Variants in ORC3 observed in about 807,000 individuals in gnomAD.
ORC3 encodes the protein origin recognition complex subunit 3.
ORC3 carries 78 observed loss-of-function variants against 100.7 expected under a neutral mutation model. The observed-to-expected ratio is 0.77, with a 90% CI of 0.65 to 0.94. The LOEUF (loss-of-function observed/expected upper bound fraction) is 0.94. Among genes scored for constraint, ORC3 ranks in the 40% least tolerant of loss-of-function variants. ORC3 has a pLI of 0.00. For synonymous variants in ORC3, 295 were observed against 289.3 expected (o/e 1.02, Z -0.20); for missense variants, 789 against 823.9 (o/e 0.96, Z 0.52).
chr6:87,593,775 C>T (rs1307994318), intron 1 of ORC3, among the ~76,000 whole-genome samples: 3 of 152,264 alleles, frequency 2.0e-5, no homozygotes, highest in African/African-American at 7.2e-5. Context: ...CAGCCCACTG[C>T]AGCCTCCATC....
At chr6:87,638,520 A>T (rs1377667174) in intron 13 of ORC3, among the ~76,000 whole-genome samples, 1 of 152,214 alleles carries the variant, frequency 6.6e-6, no homozygotes, top group African/African-American at 2.4e-5. Context: ...CTTATTTGAA[A>T]TTTTTTATAA....
At chr6:87,655,423 C>T (rs1769602753) in intron 14 of ORC3, among the ~76,000 whole-genome samples, 1 of 149,838 alleles carries the variant, frequency 6.7e-6, no homozygotes, top group South Asian at 2.1e-4. Flanking sequence ...GCATGATAGG[C>T]TCACTGCAGC....
intron 7 of ORC3, among the ~76,000 whole-genome samples, chr6:87,611,372 G>A (rs1778754895): frequency 6.6e-6 from 1 of 151,616 alleles, no homozygotes; most frequent in Non-Finnish European, 1.5e-5. Flanking sequence ...ACTTTTTTTT[G>A]GAGCTTAGAC....
intron 9 of ORC3, among the ~76,000 whole-genome samples, chr6:87,619,315 G>GCAAT (rs1427852030): frequency 6.6e-6 from 1 of 152,174 alleles, no homozygotes; most frequent in Non-Finnish European, 1.5e-5. Flanking sequence ...GTAAAATAAA[G>GCAAT]CAATCAGATT....
At chr6:87,673,736 G>A in the ORC3 span, among the ~76,000 whole-genome samples, 3 of 152,028 alleles carry the variant, frequency 2.0e-5, no homozygotes, top group East Asian at 5.8e-4. Flanking sequence ...AGCTACTCGG[G>A]AGGCTGAGGC....
the ORC3 span, among the ~76,000 whole-genome samples, chr6:87,672,744 A>G: frequency 2.6e-5 from 4 of 152,134 alleles, no homozygotes; most frequent in Non-Finnish European, 5.9e-5. Flanking sequence ...CATTTTCTTT[A>G]GGGTCGTGTC....
chr6:87,646,247 A>G (rs1331354866), intron 13 of ORC3, among the ~76,000 whole-genome samples: 3 of 151,960 alleles, frequency 2.0e-5, no homozygotes, highest in East Asian at 3.8e-4. Context: ...CGGCCTCCCA[A>G]AGTGCTGGGA....
At chr6:87,645,042 A>G (rs1269419426) in intron 13 of ORC3, among the ~76,000 whole-genome samples, 1 of 152,114 alleles carries the variant, frequency 6.6e-6, no homozygotes, top group Non-Finnish European at 1.5e-5. Context: ...TAGAAAAAGT[A>G]TTCTTCACTA....
At chr6:87,618,664 A>T (rs1183438091) in intron 9 of ORC3, among the ~76,000 whole-genome samples, 1 of 152,166 alleles carries the variant, frequency 6.6e-6, no homozygotes, top group Non-Finnish European at 1.5e-5. Context: ...CATGACAAGG[A>T]CTTAAATAAA....
chr6:87,619,198 G>GA (rs914580317), intron 9 of ORC3, among the ~76,000 whole-genome samples: 27 of 152,148 alleles, frequency 1.8e-4, no homozygotes, highest in Admixed American at 5.9e-4. Flanking sequence ...GAAGCCAAGG[G>GA]AAAAAGAGAT....
intron 19 of ORC3, among the ~76,000 whole-genome samples, chr6:87,666,425 C>A (rs568172882): frequency 1.4e-5 from 2 of 145,454 alleles, no homozygotes; most frequent in African/African-American, 5.2e-5. Context: ...CCACCTCACC[C>A]GGCCTAATTC....
chr6:87,604,190 G>C (rs35465301), intron 4 of ORC3, among the ~76,000 whole-genome samples: 4,865 of 152,200 alleles, frequency 0.032, 103 homozygotes, highest in Middle Eastern at 0.054. Context: ...GAATTTATTT[G>C]GGTTCCAAAC....
At chr6:87,600,011 CT>C (rs1316386668) in intron 2 of ORC3, among the ~76,000 whole-genome samples, 1 of 152,074 alleles carries the variant, frequency 6.6e-6, no homozygotes, top group Non-Finnish European at 1.5e-5. Context: ...TCCTTGCTTT[CT>C]TTTTTTGTTG....
chr6:87,661,348 C>T (rs762752375), intron 16 of ORC3, among the ~76,000 whole-genome samples: 32 of 151,982 alleles, frequency 2.1e-4, no homozygotes, highest in Non-Finnish European at 3.7e-4. Context: ...AATATTGTTT[C>T]TTAGTGAGGA....
At chr6:87,611,764 A>G in intron 7 of ORC3, among the ~76,000 whole-genome samples, 1 of 152,018 alleles carries the variant, frequency 6.6e-6, no homozygotes. Flanking sequence ...TCTGGGTGAC[A>G]GAGCAGGACT....
At chr6:87,647,170 C>T (rs181970843) in intron 13 of ORC3, among the ~76,000 whole-genome samples, 1 of 152,270 alleles carries the variant, frequency 6.6e-6, no homozygotes, top group Admixed American at 6.5e-5. Context: ...AATGTTACTC[C>T]TTTGCTCAAA....
chr6:87,592,844 A>T (rs1250695215), intron 1 of ORC3, among the ~76,000 whole-genome samples: 1 of 152,168 alleles, frequency 6.6e-6, no homozygotes, highest in African/African-American at 2.4e-5. Context: ...CTCTAATCCC[A>T]GCACTTTGGG....
At chr6:87,644,132 G>C (rs1371888165) in intron 13 of ORC3, among the ~76,000 whole-genome samples, 1 of 95,480 alleles carries the variant, frequency 1.0e-5, no homozygotes, top group Non-Finnish European at 1.9e-5. Context: ...TCGCTCTGTC[G>C]CCCAGGCTGG....
In ORC3 at chr6:87,667,352, AT is replaced by A. The variant is rs1770719403; in HGVS notation, c.*233del. 1 of 385,484 alleles carries A rather than the reference AT, an allele frequency of 2.6e-6. No individual in the cohort carries two copies. The highest frequency in any genetic ancestry group is 4.6e-6 in the Non-Finnish European group (1 of 218,276). 23.9% of individuals were successfully genotyped at this position (385,484 alleles called of 1,614,324 possible). ...ATAATGTAACTAAAACTGCTCACAC[AT>A]TTTACTGTACTTTCCAAAGTCATTA... On this transcript the variant is annotated 3_prime_UTR_variant, in exon 20 of 20. Coordinates refer to ENST00000392844, the MANE Select transcript of ORC3 (RefSeq NM_012381.4).
Sources: gnomAD v4.1 joint callset for allele counts (sites outside exome capture counted in the v4.1 genomes callset) on GRCh38, gnomAD v4.1.1 for gene constraint, MANE v1.5 for transcripts, NCBI Gene and HGNC (gene_info 2026-07-23, HGNC 2026-07-21) for gene names.